Variants in AHNAK observed in about 807,000 individuals in gnomAD.
The protein encoded by AHNAK is AHNAK nucleoprotein.
AHNAK carries 23 observed loss-of-function variants against 37.8 expected under a neutral mutation model. The observed-to-expected ratio is 0.61, with a 90% confidence interval of 0.44 to 0.86. The LOEUF (loss-of-function observed/expected upper bound fraction) is 0.86. Ranked by LOEUF, AHNAK falls within the 40% of genes least tolerant of loss-of-function variation. The probability of loss-of-function intolerance (pLI) is 0.00; values close to 1 mark genes in which losing one functional copy is unlikely to be tolerated. For synonymous variants in AHNAK, 2,481 were observed against 2,636.3 expected, an observed-to-expected ratio of 0.94 and a Z score of 1.80; for missense variants, 7,411 against 7,319.4, an observed-to-expected ratio of 1.01 and a Z score of -0.46.
In AHNAK at chr11:62,527,415, G is replaced by A. The variant is rs2134224304; in HGVS notation, c.7002C>T (p.Ala2334=). Residue 2334 remains alanine, a synonymous_variant, in exon 5 of 5, where the codon GCC becomes GCT. Transcript: ENST00000378024. ...CTTTTAACTCTCCCTCCAGCTTTGG[G>A]GCAGAAACATCAACATCTCCTTTGA... The part of the protein sequence containing the change: ...PKIKGDVDVS[A]PKLEGELKGP... 1 of 1,613,968 alleles carries A rather than the reference G, an allele frequency of 6.2e-7. No homozygotes were observed. Among genetic ancestry groups the A allele is most frequent in the Non-Finnish European group, 8.5e-7 (1 of 1,179,972 alleles).
chr11:62,468,054 A>T (rs901983488), intron 5 of AHNAK, among the ~76,000 whole-genome samples: 1 of 152,048 alleles, frequency 6.6e-6, no homozygotes, highest in Non-Finnish European at 1.5e-5. Context: ...TATATTAATT[A>T]CATGGTGATT....
chr11:62,461,693 T>C (rs1590600813), intron 5 of AHNAK, among the ~76,000 whole-genome samples: 2 of 151,970 alleles, frequency 1.3e-5, no homozygotes. Flanking sequence ...TGTATGGTGG[T>C]GTATGCCTGT....
downstream of AHNAK, among the ~76,000 whole-genome samples, chr11:62,513,837 C>A (rs1939958968): frequency 2.6e-5 from 4 of 152,168 alleles, no homozygotes; most frequent in Admixed American, 2.6e-4. Flanking sequence ...TACCCACCAC[C>A]CACTGACTGT....
At chr11:62,538,592 C>A (rs974861648) in intron 1 of AHNAK, among the ~76,000 whole-genome samples, 1 of 152,192 alleles carries the variant, frequency 6.6e-6, no homozygotes, top group Non-Finnish European at 1.5e-5. Flanking sequence ...CTCCATATGC[C>A]CAACACTATA....
At chr11:62,506,244 A>AT (rs922785596) in intron 4 of AHNAK, among the ~76,000 whole-genome samples, 1 of 148,166 alleles carries the variant, frequency 6.7e-6, no homozygotes, top group African/African-American at 2.6e-5. Flanking sequence ...ATAAATAAAT[A>AT]TTAAAAAAAA....
At chr11:62,467,446 A>T (rs1938935290) in intron 5 of AHNAK, among the ~76,000 whole-genome samples, 1 of 152,156 alleles carries the variant, frequency 6.6e-6, no homozygotes, top group Non-Finnish European at 1.5e-5. Context: ...GCACTTTGGG[A>T]GGCCGAGGCA....
chr11:62,500,243 G>A (rs1939688015), intron 4 of AHNAK, among the ~76,000 whole-genome samples: 1 of 152,178 alleles, frequency 6.6e-6, no homozygotes, highest in Admixed American at 6.5e-5. Flanking sequence ...AAACGCAAAG[G>A]AATGACTCAA....
At position 62,526,088 on chromosome 11, in the gene AHNAK, G is replaced by C. The variant is rs1469991738; in HGVS notation, c.8329C>G (p.Pro2777Ala). The C allele has an allele frequency of 6.2e-6, 10 of 1,613,398 alleles. No individual in the cohort carries two copies. Among genetic ancestry groups the C allele is most frequent in the South Asian group, 5.5e-5 (5 of 91,046 alleles). The change falls in exon 5 of 5, where the codon CCT (proline) becomes GCT (alanine). Residue 2777 changes from proline (P) to alanine (A), a missense_variant. Pro to Ala is a conservative substitution (Grantham distance 27). Coordinates refer to ENST00000378024, the MANE Select transcript of AHNAK (RefSeq NM_001620.3). ...PKIKMPKISM[P>A]GFKGEGPDVD... is the part of the protein sequence containing the mutation. ...TCTGGACCTTCTCCTTTGAAGCCAG[G>C]CATGCTGATCTTGGGCATTTTTATC...
chr11:62,481,238 T>C (rs1484871400), intron 5 of AHNAK, among the ~76,000 whole-genome samples: 1 of 152,036 alleles, frequency 6.6e-6, no homozygotes, highest in Non-Finnish European at 1.5e-5. Flanking sequence ...CCCGAGTAGC[T>C]GGGATTACAG....
At position 62,521,425 on chromosome 11, in the gene AHNAK, C is replaced by T. The variant is rs1473206582; in HGVS notation, c.12992G>A (p.Gly4331Glu). The T allele has an allele frequency of 6.2e-7, 1 of 1,613,856 alleles. No homozygotes were observed. The highest frequency in any genetic ancestry group is 1.1e-5 in the South Asian group (1 of 91,068). Residue 4331 changes from glycine (G) to glutamate (E), a missense_variant, in exon 5 of 5, where the codon GGA (glycine) becomes GAA (glutamate). Transcript: ENST00000378024. ...MPKFSMPGFKGEGPDVDVTLP... is the reference protein window; with the variant it reads ...MPKFSMPGFKEEGPDVDVTLP... ...GGTAACATCCACATCTGGGCCCTCT[C>T]CTTTGAATCCTGGCATGCTGAATTT...
intron 4 of AHNAK, among the ~76,000 whole-genome samples, chr11:62,498,961 C>T (rs1378749209): frequency 6.6e-6 from 1 of 152,130 alleles, no homozygotes; most frequent in Non-Finnish European, 1.5e-5. Context: ...GTGGGCCAGG[C>T]ACTGTTCTAG....
rs763371020 is a variant in AHNAK, at chr11:62,517,175, C to G, written c.17242G>C (p.Ala5748Pro). ...TCTCCTTCCAGAGAGCCCAGGCTGG[C>G]CTTTGAACTTTTCAGGTCACCTTTG... ...GSKGDLKSSK[A>P]SLGSLEGEAE... Residue 5748 changes from alanine (A) to proline (P), a missense_variant, in exon 5 of 5, where the codon GCC becomes CCC. Ala to Pro is a conservative substitution (Grantham distance 27). Transcript: ENST00000378024. 4 of 1,613,774 alleles carry G rather than the reference C, an allele frequency of 2.5e-6. No individual in the cohort carries two copies. The Admixed American group carries it at 5.0e-5, about 20-fold the overall frequency.
At chr11:62,536,317 G>T (rs1025856341) in intron 2 of AHNAK, 152 bp downstream of exon 2, 3 of 476,268 alleles carry the variant, frequency 6.3e-6, no homozygotes, top group African/African-American at 6.1e-5. Flanking sequence ...GCACAGCAAA[G>T]AAGATGGAAA....
intron 5 of AHNAK, among the ~76,000 whole-genome samples, chr11:62,479,990 G>A (rs1481562862): frequency 6.6e-6 from 1 of 152,140 alleles, no homozygotes; most frequent in Non-Finnish European, 1.5e-5. Flanking sequence ...GCTCCTTCTG[G>A]CTGGGTTCTG....
At position 62,481,729 on chromosome 11, in the gene AHNAK, C is replaced by G. The variant is rs144766873; in HGVS notation, c.442+10003G>C. Among the ~76,000 whole-genome samples, 738 of 151,910 alleles carry G rather than the reference C, an allele frequency of 4.9e-3. 5 individuals carry two copies. Among genetic ancestry groups the G allele is most frequent in the African/African-American group, 0.017 (699 of 41,468 alleles). On this transcript the variant is annotated intron_variant, in intron 5 of 5. Transcript: ENST00000257247. ...AGTAGCTGGGACTACAAGTGCCCAC[C>G]ACCATGCCTGGCTAATTTTTTGTAT...
At chr11:62,539,271 C>T (rs1565251406) in intron 1 of AHNAK, among the ~76,000 whole-genome samples, 1 of 152,178 alleles carries the variant, frequency 6.6e-6, no homozygotes, top group African/African-American at 2.4e-5. Flanking sequence ...AGATTCCAGA[C>T]TTCATCTCTC....
rs375424138 is a variant in AHNAK, at chr11:62,522,391, T to C, written c.12026A>G (p.His4009Arg). 6.8e-6 allele frequency: 11 copies of C among 1,614,150 alleles called. No homozygotes were observed. The highest frequency in any genetic ancestry group is 9.3e-6 in the Non-Finnish European group (11 of 1,180,026). The change falls in exon 5 of 5, where the codon CAT becomes CGT. Residue 4009 changes from histidine (H) to arginine (R), a missense_variant. Transcript: ENST00000378024. ...TCCTTTCACCTTAGGGCCTTTCAGA[T>C]GCAAATCAAAGTCAGGCATGGAGAT... Reference protein sequence around the residue: ...PKISMPDFDLHLKGPKVKGDV... With the variant: ...PKISMPDFDLRLKGPKVKGDV...
chr11:62,527,770 G>A lies in AHNAK; in HGVS notation c.6647C>T (p.Pro2216Leu), dbSNP rs762919902. 3.1e-6 allele frequency: 5 copies of A among 1,613,742 alleles called. No individual in the cohort carries two copies. Residue 2216 changes from proline (P) to leucine (L), a missense_variant, in exon 5 of 5, where the codon CCA becomes CTA. By Grantham distance (98) the Pro-to-Leu change is moderately conservative. Coordinates refer to ENST00000378024, the MANE Select transcript of AHNAK (RefSeq NM_001620.3). Reference sequence around the variant, plus strand: ...TTTGGGCCCTCTGATGTCAACATCTGGCACTTTCATTTCACCTTCTACCTT... The same window carrying A: ...TTTGGGCCCTCTGATGTCAACATCTAGCACTTTCATTTCACCTTCTACCTT... The part of the protein sequence containing the change: ...VPKVEGEMKV[P>L]DVDIRGPKVD...
Position 62,531,596 on chromosome 11 carries a change from T to A in AHNAK, c.2821A>T (p.Ile941Phe), listed in dbSNP as rs1940751073. The change falls in exon 5 of 5, where the codon ATC (isoleucine) becomes TTC (phenylalanine). Residue 941 changes from isoleucine to phenylalanine, a missense_variant. Transcript: ENST00000378024. ...GPKFKMPEMN[I>F]KAPKISMPDV... ...GGCATGGAGATCTTGGGGGCCTTGATATTCATCTCTGGCATCTTGAACTTG... is the reference window on the plus strand; with the variant it reads ...GGCATGGAGATCTTGGGGGCCTTGAAATTCATCTCTGGCATCTTGAACTTG... The A allele has an allele frequency of 6.2e-7, 1 of 1,613,624 alleles. No homozygotes were observed.
Sources: gnomAD v4.1 joint callset for allele counts (sites outside exome capture counted in the v4.1 genomes callset) on GRCh38, gnomAD v4.1.1 for gene constraint, MANE v1.5 for transcripts, NCBI Gene and HGNC (gene_info 2026-07-23, HGNC 2026-07-21) for gene names.